Variants in CPNE8 observed in about 807,000 individuals in gnomAD.
CPNE8 encodes the protein copine 8, also known as copine-8.
In CPNE8, 45 loss-of-function variants were observed where a neutral mutation model predicts 81.5. The ratio of observed to expected loss-of-function variants is 0.55; its 90% confidence interval spans 0.44 to 0.71. The LOEUF is 0.71. Ranked by LOEUF, CPNE8 falls within the 30% of genes least tolerant of loss-of-function variation. The pLI, the probability that CPNE8 is intolerant of heterozygous loss-of-function variation, is 0.00. For missense variants in CPNE8, 594 were observed against 672.1 expected (o/e 0.88, Z 1.28); for synonymous variants, 252 against 226.3 (o/e 1.11, Z -1.02).
chr12:38,675,844 G>A (rs1413143966), intron 17 of CPNE8, 70 bp from the exon 18 acceptor site: 3 of 986,354 alleles, frequency 3.0e-6, no homozygotes, highest in South Asian at 1.3e-5. Flanking sequence ...TAAAGGCCAG[G>A]CATGATATCT....
intron 6 of CPNE8, among the ~76,000 whole-genome samples, chr12:38,815,036 C>A (rs1051961279): frequency 3.9e-5 from 6 of 152,226 alleles, no homozygotes; most frequent in East Asian, 3.9e-4. Flanking sequence ...ATCTTCAATA[C>A]CCTTTCACAC....
At chr12:38,877,460 C>T (rs1944084086) in intron 1 of CPNE8, among the ~76,000 whole-genome samples, 1 of 151,894 alleles carries the variant, frequency 6.6e-6, no homozygotes, top group Non-Finnish European at 1.5e-5. Context: ...AACTTTGTTC[C>T]TACCATTTTA....
intron 6 of CPNE8, among the ~76,000 whole-genome samples, chr12:38,824,642 A>G (rs953619408): frequency 6.6e-6 from 1 of 152,192 alleles, no homozygotes; most frequent in African/African-American, 2.4e-5. Context: ...TGGGAAATAA[A>G]TCTCTAATCT....
chr12:38,864,220 T>G (rs371543137), intron 3 of CPNE8, among the ~76,000 whole-genome samples: 1 of 152,092 alleles, frequency 6.6e-6, no homozygotes, highest in Non-Finnish European at 1.5e-5. Context: ...ATCCTAGAAA[T>G]AGGGTTCAAG....
intron 6 of CPNE8, among the ~76,000 whole-genome samples, chr12:38,806,860 T>C (rs1001882629): frequency 2.7e-5 from 4 of 150,736 alleles, no homozygotes; most frequent in African/African-American, 9.7e-5. Flanking sequence ...AACCCCATCG[T>C]CTCAGCCCAA....
chr12:38,796,917 C>A (rs1484350109), intron 6 of CPNE8, among the ~76,000 whole-genome samples: 4 of 152,180 alleles, frequency 2.6e-5, no homozygotes, highest in Non-Finnish European at 4.4e-5. Context: ...CTCAGAGGGT[C>A]CTACGTCCAT....
At chr12:38,703,680 G>A (rs1247704698) in intron 13 of CPNE8, among the ~76,000 whole-genome samples, 4 of 152,034 alleles carry the variant, frequency 2.6e-5, no homozygotes, top group Admixed American at 1.3e-4. Flanking sequence ...CACACCACTC[G>A]ATTCTATACC....
intron 11 of CPNE8, 35 bp from the exon 12 acceptor site, chr12:38,724,934 G>C: frequency 6.7e-7 from 1 of 1,491,620 alleles, no homozygotes; most frequent in Non-Finnish European, 9.2e-7. Flanking sequence ...AAATGTGTTA[G>C]GTTTTATACC....
chr12:38,778,577 T>C lies in CPNE8; in HGVS notation c.408-2276A>G, dbSNP rs936062235. Among the ~76,000 whole-genome samples the C allele has an allele frequency of 2.0e-5, 3 of 152,324 alleles. No individual in the cohort carries two copies. The East Asian group carries it at 5.8e-4, about 29-fold the overall frequency. ...ACTTTCCATATCCCCAAATTGGATA[T>C]GGAACAAGTTCCATTTGTTCCAAGA... On this transcript the variant is annotated intron_variant, in intron 6 of 19. Coordinates refer to ENST00000331366, the MANE Select transcript of CPNE8 (RefSeq NM_153634.3).
At chr12:38,784,264 C>A (rs1942121577) in intron 6 of CPNE8, among the ~76,000 whole-genome samples, 1 of 152,040 alleles carries the variant, frequency 6.6e-6, no homozygotes, top group Non-Finnish European at 1.5e-5. Context: ...GTTGATCATG[C>A]AGAATAAAGA....
intron 9 of CPNE8, among the ~76,000 whole-genome samples, chr12:38,761,268 G>A (rs1337960623): frequency 1.3e-5 from 2 of 152,086 alleles, no homozygotes; most frequent in African/African-American, 4.8e-5. Flanking sequence ...ATGGATTATT[G>A]GACCTCTCTC....
chr12:38,799,656 A>C (rs1252073953), intron 6 of CPNE8, among the ~76,000 whole-genome samples: 1 of 152,022 alleles, frequency 6.6e-6, no homozygotes, highest in African/African-American at 2.4e-5. Context: ...TGGAGGAGTC[A>C]AGATGGCCGA....
intron 3 of CPNE8, among the ~76,000 whole-genome samples, chr12:38,864,750 A>C (rs1461330073): frequency 6.6e-6 from 1 of 152,214 alleles, no homozygotes; most frequent in African/African-American, 2.4e-5. Flanking sequence ...CTTCTAAAAG[A>C]TAACACTAGG....
Position 38,762,116 on chromosome 12 carries a change from C to A in CPNE8, c.676G>T (p.Asp226Tyr). The A allele has an allele frequency of 6.7e-7, 1 of 1,487,902 alleles. No individual in the cohort carries two copies. The highest frequency in any genetic ancestry group is 9.1e-7 in the Non-Finnish European group (1 of 1,099,282). The allele number at this position is 1,487,902 out of a possible 1,614,324, so 92.2% of individuals were successfully genotyped here. A position where few individuals can be genotyped will look rare whatever the true frequency, so the allele number is the denominator to read the frequency against. ...SVRALCNGDY[D>Y]RTIKVEVYDW... is the part of the protein sequence containing the mutation. ...TGAATAAACTATCCTTCTTACCTGT[C>A]ATAGTCTCCATTACATAATGCTCTG... The change falls in exon 9 of 20, where the codon GAC (aspartate) becomes TAC (tyrosine). Residue 226 changes from aspartate to tyrosine, a missense_variant. Physicochemically the swap from Asp to Tyr is radical, Grantham distance 160 (BLOSUM62 -3). Transcript: ENST00000331366.
chr12:38,905,417 G>T lies in CPNE8; in HGVS notation c.98+20C>A. The T allele has an allele frequency of 6.4e-7, 1 of 1,551,256 alleles. No individual in the cohort carries two copies. ...CCACAGATGAGAGGGCAGGAGAGAGGGGAAGGGCTGCGTCCTCACCTGCAG... is the reference window on the plus strand; with the variant it reads ...CCACAGATGAGAGGGCAGGAGAGAGTGGAAGGGCTGCGTCCTCACCTGCAG... On this transcript the variant is annotated intron_variant, in intron 1 of 19. Transcript: ENST00000331366.
At chr12:38,673,040 G>A (rs1333905523) in intron 18 of CPNE8, among the ~76,000 whole-genome samples, 1 of 152,256 alleles carries the variant, frequency 6.6e-6, no homozygotes, top group East Asian at 1.9e-4. Flanking sequence ...CACATGTAGA[G>A]GGAGGGAAGT....
intron 14 of CPNE8, among the ~76,000 whole-genome samples, chr12:38,694,693 T>C (rs1476994023): frequency 1.3e-5 from 2 of 152,292 alleles, no homozygotes; most frequent in Middle Eastern, 3.4e-3. Flanking sequence ...ACATTGAAAT[T>C]CACAACAAGT....
intron 3 of CPNE8, among the ~76,000 whole-genome samples, chr12:38,851,509 C>T (rs1281590583): frequency 6.6e-6 from 1 of 152,184 alleles, no homozygotes; most frequent in Non-Finnish European, 1.5e-5. Flanking sequence ...TCCTATTCAT[C>T]ACTGCCTCAT....
At chr12:38,853,763 G>A (rs929043195) in intron 3 of CPNE8, among the ~76,000 whole-genome samples, 2 of 152,078 alleles carry the variant, frequency 1.3e-5, no homozygotes, top group Non-Finnish European at 1.5e-5. Context: ...TGATAGAATA[G>A]AAATACTCCT....
Sources: gnomAD v4.1 joint callset for allele counts (sites outside exome capture counted in the v4.1 genomes callset) on GRCh38, gnomAD v4.1.1 for gene constraint, MANE v1.5 for transcripts, NCBI Gene and HGNC (gene_info 2026-07-23, HGNC 2026-07-21) for gene names.